Variants in LRRC7 observed in about 807,000 individuals in gnomAD.
LRRC7 encodes leucine rich repeat containing 7.
LRRC7 carries 23 observed loss-of-function variants against 175.7 expected under a neutral mutation model. That is an observed-to-expected ratio of 0.13 (90% CI 0.09 to 0.19). The LOEUF (loss-of-function observed/expected upper bound fraction) is 0.19, where lower values mean the gene tolerates loss of function less well. Ranked by LOEUF, LRRC7 falls within the 10% of genes least tolerant of loss-of-function variation. The pLI, the probability that LRRC7 is intolerant of heterozygous loss-of-function variation, is 1.00. For synonymous variants in LRRC7, 685 were observed against 680.9 expected (o/e 1.01, Z -0.09); for missense variants, 1,354 against 1,904.7 (o/e 0.71, Z 5.38).
At chr1:69,802,152 A>G (rs1177640206) in intron 4 of LRRC7, among the ~76,000 whole-genome samples, 1 of 151,410 alleles carries the variant, frequency 6.6e-6, no homozygotes, top group East Asian at 1.9e-4. Flanking sequence ...GTCTATCTAT[A>G]TTGGAGAATA....
intron 11 of LRRC7, among the ~76,000 whole-genome samples, chr1:69,995,213 A>G (rs1654818898): frequency 6.6e-6 from 1 of 152,086 alleles, no homozygotes; most frequent in Non-Finnish European, 1.5e-5. Flanking sequence ...TAATATTGTC[A>G]TTAACATTTG....
intron 25 of LRRC7, among the ~76,000 whole-genome samples, chr1:70,090,193 CTG>C (rs1406431702): frequency 2.0e-5 from 3 of 152,088 alleles, no homozygotes; most frequent in Non-Finnish European, 4.4e-5. Flanking sequence ...ATTTAGGAAA[CTG>C]TTTTCTCACA....
At chr1:69,981,615 G>C (rs1054452225) in intron 9 of LRRC7, among the ~76,000 whole-genome samples, 2 of 152,024 alleles carry the variant, frequency 1.3e-5, no homozygotes, top group Non-Finnish European at 2.9e-5. Flanking sequence ...TGAGAAGCTC[G>C]CACATAGCAG....
At position 69,694,738 on chromosome 1, in the gene LRRC7, A is replaced by ACC. The variant is rs35720592; in HGVS notation, c.100+16268_100+16269dup. Among the ~76,000 whole-genome samples the ACC allele has an allele frequency of 7.3e-4, 108 of 147,314 alleles. 2 individuals carry two copies. The highest frequency in any genetic ancestry group is 7.0e-3 in the East Asian group (34 of 4,890). ...TTGTTTAAAAGAGTGTGGTACCCCT[A>ACC]CCCCCCCCCACTTCCTCTTCCTCCT... On this transcript the variant is annotated intron_variant, in intron 2 of 26. Transcript: ENST00000651989.
intron 2 of LRRC7, among the ~76,000 whole-genome samples, chr1:69,755,838 G>A (rs1157625503): frequency 1.3e-5 from 2 of 151,884 alleles, no homozygotes; most frequent in Non-Finnish European, 2.9e-5. Flanking sequence ...CTTGCTGCCA[G>A]ATTACCCTGC....
At chr1:69,752,081 A>C (rs1463403485) in intron 2 of LRRC7, among the ~76,000 whole-genome samples, 1 of 152,150 alleles carries the variant, frequency 6.6e-6, no homozygotes, top group African/African-American at 2.4e-5. Context: ...GATCATTTCA[A>C]GAGTCAAAAT....
chr1:69,671,448 C>CT (rs907532141), intron 1 of LRRC7, among the ~76,000 whole-genome samples: 1 of 152,116 alleles, frequency 6.6e-6, no homozygotes, highest in African/African-American at 2.4e-5. Flanking sequence ...GAACCATGAG[C>CT]TGTGCAGCCT....
intron 7 of LRRC7, among the ~76,000 whole-genome samples, chr1:69,844,765 A>G (rs994698511): frequency 3.9e-4 from 59 of 152,092 alleles, no homozygotes; most frequent in African/African-American, 1.4e-3. Flanking sequence ...ACCATTCACT[A>G]TATTTTACCA....
At chr1:69,867,298 C>T (rs933372755) in intron 7 of LRRC7, among the ~76,000 whole-genome samples, 1 of 152,102 alleles carries the variant, frequency 6.6e-6, no homozygotes, top group Non-Finnish European at 1.5e-5. Flanking sequence ...AGACTCACAA[C>T]TAATAATCAC....
chr1:70,100,527 A>G (rs1237986886), intron 25 of LRRC7, among the ~76,000 whole-genome samples: 5 of 152,102 alleles, frequency 3.3e-5, no homozygotes, highest in Non-Finnish European at 5.9e-5. Context: ...GCTCCAATGC[A>G]TTATTAATAA....
intron 26 of LRRC7, among the ~76,000 whole-genome samples, chr1:70,112,179 A>G (rs1386373953): frequency 2.0e-5 from 3 of 152,228 alleles, no homozygotes; most frequent in Non-Finnish European, 4.4e-5. Flanking sequence ...ACTACTGTCA[A>G]CAATAAGTCT....
intron 8 of LRRC7, among the ~76,000 whole-genome samples, chr1:69,951,613 A>G (rs981043286): frequency 6.6e-6 from 1 of 152,182 alleles, no homozygotes; most frequent in African/African-American, 2.4e-5. Flanking sequence ...CATCCATAAA[A>G]AAGAACAAGA....
At chr1:69,642,080 T>G (rs1654298150) in intron 1 of LRRC7, among the ~76,000 whole-genome samples, 1 of 151,942 alleles carries the variant, frequency 6.6e-6, no homozygotes, top group Non-Finnish European at 1.5e-5. Flanking sequence ...CAATTTTAGG[T>G]TTTTGTAATT....
intron 18 of LRRC7, among the ~76,000 whole-genome samples, chr1:70,033,691 G>A (rs372791534): frequency 2.0e-5 from 3 of 152,040 alleles, no homozygotes; most frequent in African/African-American, 4.8e-5. Flanking sequence ...GCAGAGTTCC[G>A]GTCATAATTT....
chr1:69,574,622 C>T (rs1012947455), intron 1 of LRRC7, among the ~76,000 whole-genome samples: 35 of 151,996 alleles, frequency 2.3e-4, no homozygotes, highest in African/African-American at 4.3e-4. Context: ...TCACAGATGG[C>T]GTAACTAAAA....
intron 1 of LRRC7, among the ~76,000 whole-genome samples, chr1:69,604,584 G>C (rs1409698596): frequency 1.3e-5 from 2 of 152,180 alleles, no homozygotes; most frequent in Non-Finnish European, 2.9e-5. Flanking sequence ...AACCCCAAGA[G>C]AGTAACACAC....
chr1:69,591,815 C>G (rs542278478), intron 1 of LRRC7, among the ~76,000 whole-genome samples: 1 of 151,962 alleles, frequency 6.6e-6, no homozygotes, highest in African/African-American at 2.4e-5. Flanking sequence ...CATTAGCAAG[C>G]TTATCACATC....
At chr1:69,936,354 T>G (rs1311214485) in intron 8 of LRRC7, among the ~76,000 whole-genome samples, 2 of 152,176 alleles carry the variant, frequency 1.3e-5, no homozygotes, top group Non-Finnish European at 2.9e-5. Flanking sequence ...GAGTTGACAT[T>G]TCTATCATAT....
At chr1:70,004,805 GTCTCTCTCTCCTATAT>G (rs1655855307) in intron 11 of LRRC7, among the ~76,000 whole-genome samples, 1 of 149,656 alleles carries the variant, frequency 6.7e-6, no homozygotes, top group African/African-American at 2.5e-5. Context: ...CACCCTGCCT[GTCTCTCTCTCCTATAT>G]TCCTCTCTAC....
Sources: gnomAD v4.1 joint callset for allele counts (sites outside exome capture counted in the v4.1 genomes callset) on GRCh38, gnomAD v4.1.1 for gene constraint, MANE v1.5 for transcripts, NCBI Gene and HGNC (gene_info 2026-07-23, HGNC 2026-07-21) for gene names.